CNTNAP5: variants seen among roughly 807,000 people sequenced by gnomAD.
CNTNAP5 encodes contactin associated protein family member 5.
CNTNAP5 carries 72 observed loss-of-function variants against 150.2 expected under a neutral mutation model. The observed-to-expected ratio is 0.48, with a 90% CI of 0.40 to 0.58. The LOEUF (loss-of-function observed/expected upper bound fraction) is 0.58, where lower values mean the gene tolerates loss of function less well. CNTNAP5 is among the 20% of genes least tolerant of loss of function. The pLI is 0.00. For missense variants in CNTNAP5, 1,636 were observed against 1,626.2 expected, an observed-to-expected ratio of 1.01 and a Z score of -0.10; for synonymous variants, 672 against 619.8, an observed-to-expected ratio of 1.08 and a Z score of -1.25.
At chr2:124,764,614 C>T (rs967997437) in intron 16 of CNTNAP5, among the ~76,000 whole-genome samples, 5 of 152,182 alleles carry the variant, frequency 3.3e-5, no homozygotes, top group Non-Finnish European at 7.3e-5. Context: ...GGTTTCTCTG[C>T]CACTTCCCCA....
At chr2:124,634,718 G>C (rs998820553) in intron 12 of CNTNAP5, among the ~76,000 whole-genome samples, 1 of 151,924 alleles carries the variant, frequency 6.6e-6, no homozygotes, top group African/African-American at 2.4e-5. Context: ...TGCTCAGGCT[G>C]GTCTCAAACT....
chr2:124,404,435 C>A (rs911721824), intron 3 of CNTNAP5, among the ~76,000 whole-genome samples: 2 of 152,176 alleles, frequency 1.3e-5, no homozygotes, highest in Admixed American at 1.3e-4. Context: ...CCTGTCCACT[C>A]TCCACTGATC....
chr2:124,846,763 C>T (rs1683056211), intron 19 of CNTNAP5, among the ~76,000 whole-genome samples: 1 of 152,168 alleles, frequency 6.6e-6, no homozygotes, highest in African/African-American at 2.4e-5. Flanking sequence ...TCATGGGGTT[C>T]TCCTTTGATG....
At position 124,495,567 on chromosome 2, in the gene CNTNAP5, C is replaced by T. The variant is rs114183959; in HGVS notation, c.1063-8725C>T. Reference sequence around the variant, plus strand: ...GGCACCATCTTCTAGCCTGTCCATGCACCATGGCCATTAGCAGGGCCTTCC... The same window carrying T: ...GGCACCATCTTCTAGCCTGTCCATGTACCATGGCCATTAGCAGGGCCTTCC... On this transcript the variant is annotated intron_variant, in intron 7 of 23. Coordinates refer to ENST00000682447, the MANE Select transcript of CNTNAP5 (RefSeq NM_001367498.1). Among the ~76,000 whole-genome samples, 577 of 152,274 alleles carry T rather than the reference C, an allele frequency of 3.8e-3. 2 individuals are homozygous for T. The highest frequency in any genetic ancestry group is 0.013 in the African/African-American group (548 of 41,560).
intron 3 of CNTNAP5, among the ~76,000 whole-genome samples, chr2:124,248,090 A>G (rs1478686933): frequency 6.6e-6 from 1 of 152,186 alleles, no homozygotes; most frequent in Non-Finnish European, 1.5e-5. Flanking sequence ...AGTTATTACA[A>G]TGTCACAGAC....
intron 14 of CNTNAP5, among the ~76,000 whole-genome samples, chr2:124,749,285 G>A (rs1386275001): frequency 6.6e-6 from 1 of 152,056 alleles, no homozygotes; most frequent in African/African-American, 2.4e-5. Context: ...ATAGGAGCTA[G>A]AATAGGTAGA....
chr2:124,190,524 A>G (rs1685434240), intron 1 of CNTNAP5, among the ~76,000 whole-genome samples: 1 of 152,188 alleles, frequency 6.6e-6, no homozygotes. Context: ...CCAGCTTTAC[A>G]AACAACCACT....
chr2:124,084,857 C>T (rs1156830079), intron 1 of CNTNAP5, among the ~76,000 whole-genome samples: 1 of 150,740 alleles, frequency 6.6e-6, no homozygotes, highest in Non-Finnish European at 1.5e-5. Context: ...TATAATACTC[C>T]AGTGAAACTA....
intron 12 of CNTNAP5, among the ~76,000 whole-genome samples, chr2:124,626,702 C>G (rs1369290096): frequency 6.6e-6 from 1 of 152,104 alleles, no homozygotes; most frequent in Non-Finnish European, 1.5e-5. Flanking sequence ...TCCAGTAAGA[C>G]AGGAGAACAG....
At chr2:124,179,544 T>C (rs1194848042) in intron 1 of CNTNAP5, among the ~76,000 whole-genome samples, 1 of 152,210 alleles carries the variant, frequency 6.6e-6, no homozygotes, top group Non-Finnish European at 1.5e-5. Flanking sequence ...TCCTTCCTTT[T>C]TTAAAAAATC....
At chr2:124,595,103 T>C (rs1236111804) in intron 11 of CNTNAP5, among the ~76,000 whole-genome samples, 2 of 149,204 alleles carry the variant, frequency 1.3e-5, no homozygotes, top group African/African-American at 4.9e-5. Flanking sequence ...TTTGACTTCC[T>C]CTTTTCCTAA....
chr2:124,615,201 T>C (rs1677469588), intron 12 of CNTNAP5, among the ~76,000 whole-genome samples: 1 of 152,174 alleles, frequency 6.6e-6, no homozygotes, highest in South Asian at 2.1e-4. Context: ...CAATAAAGAA[T>C]GTCACATAAT....
intron 4 of CNTNAP5, among the ~76,000 whole-genome samples, chr2:124,429,347 A>T (rs1360169545): frequency 5.3e-5 from 8 of 152,218 alleles, no homozygotes. Context: ...TTCTAAGTTA[A>T]TGTACATGCT....
intron 8 of CNTNAP5, among the ~76,000 whole-genome samples, chr2:124,522,308 A>C (rs1456447933): frequency 6.6e-6 from 1 of 152,146 alleles, no homozygotes; most frequent in Non-Finnish European, 1.5e-5. Context: ...CTGCAGAAAT[A>C]GCTCTGAATC....
At chr2:124,246,868 G>GT (rs1687042423) in intron 3 of CNTNAP5, among the ~76,000 whole-genome samples, 1 of 151,974 alleles carries the variant, frequency 6.6e-6, no homozygotes, top group South Asian at 2.1e-4. Context: ...TAAACTTGCA[G>GT]TTTTCTCTTA....
chr2:124,796,371 G>A (rs2104639947), intron 18 of CNTNAP5, among the ~76,000 whole-genome samples: 1 of 152,206 alleles, frequency 6.6e-6, no homozygotes, highest in South Asian at 2.1e-4. Context: ...TAACTAGGAG[G>A]CAGTAGCTCA....
intron 1 of CNTNAP5, among the ~76,000 whole-genome samples, chr2:124,191,253 A>T (rs1432534057): frequency 6.6e-6 from 1 of 152,138 alleles, no homozygotes; most frequent in Non-Finnish European, 1.5e-5. Context: ...TTGTTCATAA[A>T]CTTTTTGGTG....
At position 124,417,471 on chromosome 2, in the gene CNTNAP5, G is replaced by T. The variant is rs1257323115; in HGVS notation, c.410G>T (p.Ser137Ile). 16 of 1,613,766 alleles carry T rather than the reference G, an allele frequency of 9.9e-6. No homozygotes were observed. The highest frequency in any genetic ancestry group is 1.6e-4 in the Middle Eastern group (1 of 6,084). The change falls in exon 4 of 24, where the codon AGC becomes ATC. Residue 137 changes from serine to isoleucine, a missense_variant. Physicochemically the swap from Ser to Ile is moderately radical, Grantham distance 142 (BLOSUM62 -2). Coordinates refer to ENST00000682447, the MANE Select transcript of CNTNAP5 (RefSeq NM_001367498.1). ...TTTGCAGGAAACATGAATGCTGACA[G>T]CGTGGTGCACCACAAGCTATTGCAC... ...WTFAGNMNAD[S>I]VVHHKLLHSV... is the part of the protein sequence containing the mutation.
chr2:124,104,030 ATAC>A (rs1364311918), intron 1 of CNTNAP5, among the ~76,000 whole-genome samples: 1 of 148,082 alleles, frequency 6.8e-6, no homozygotes, highest in Non-Finnish European at 1.5e-5. Flanking sequence ...AAATATATGT[ATAC>A]ATTATACATA....
Sources: allele counts gnomAD v4.1 joint callset (sites outside exome capture counted in the v4.1 genomes callset), GRCh38; gene constraint gnomAD v4.1.1; transcripts MANE v1.5; gene names NCBI Gene and HGNC (gene_info 2026-07-23, HGNC 2026-07-21).